TBC1D1: variants seen among roughly 807,000 people sequenced by gnomAD.
The protein encoded by TBC1D1 is TBC1 (tre-2/USP6, BUB2, cdc16) domain family, member 1.
A neutral mutation model predicts 125.6 loss-of-function variants in TBC1D1; 89 were observed. That is an observed-to-expected ratio of 0.71 (90% confidence interval 0.60 to 0.85). The LOEUF is 0.85. Ranked by LOEUF, TBC1D1 falls within the 40% of genes least tolerant of loss-of-function variation. The pLI, the probability that TBC1D1 is intolerant of heterozygous loss-of-function variation, is 0.00. For synonymous variants in TBC1D1, 565 were observed against 564.1 expected (o/e 1.00, Z -0.02); for missense variants, 1,377 against 1,469.2 (o/e 0.94, Z 1.03).
chr4:37,903,408 C>G (rs960178133), intron 2 of TBC1D1, among the ~76,000 whole-genome samples: 1 of 152,132 alleles, frequency 6.6e-6, no homozygotes, highest in Non-Finnish European at 1.5e-5. Flanking sequence ...CACAGCTAAC[C>G]CCATGGACTG....
intron 17 of TBC1D1, among the ~76,000 whole-genome samples, chr4:38,122,466 C>T (rs1008500064): frequency 6.6e-6 from 1 of 152,202 alleles, no homozygotes; most frequent in African/African-American, 2.4e-5. Context: ...GCACACCTCC[C>T]TGTATTGACA....
intron 12 of TBC1D1, among the ~76,000 whole-genome samples, chr4:38,079,159 A>G (rs1578585810): frequency 6.6e-6 from 1 of 152,094 alleles, no homozygotes; most frequent in Non-Finnish European, 1.5e-5. Context: ...AGATGCCTAA[A>G]TGATGTGGGT....
chr4:37,993,352 T>C (rs1478531218), intron 2 of TBC1D1, among the ~76,000 whole-genome samples: 1 of 152,182 alleles, frequency 6.6e-6, no homozygotes, highest in Non-Finnish European at 1.5e-5. Context: ...TTCATTACCC[T>C]GCGCCTCCCC....
rs545628912 is a variant in TBC1D1, at chr4:38,090,269, A to G, written c.2236+152A>G. 200 of 708,838 alleles carry G rather than the reference A, an allele frequency of 2.8e-4. 1 individual carries two copies. In the Middle Eastern group the frequency reaches 3.5e-3, roughly 12 times the overall value. 43.9% of individuals were successfully genotyped at this position (708,838 alleles called of 1,614,324 possible). ...TATCTGTTTACTTTTTCAGAGTAAT[A>G]TTAACACTGTTTACTTTCTGGTGAT... On this transcript the variant is annotated intron_variant, in intron 13 of 19. Transcript: ENST00000261439.
At chr4:38,026,098 T>C (rs1406164285) in intron 6 of TBC1D1, among the ~76,000 whole-genome samples, 2 of 151,632 alleles carry the variant, frequency 1.3e-5, no homozygotes, top group Non-Finnish European at 2.9e-5. Flanking sequence ...AAAAGGCCCA[T>C]TTCTAATATT....
chr4:38,022,794 A>G (rs1744316701), intron 6 of TBC1D1, among the ~76,000 whole-genome samples: 3 of 152,142 alleles, frequency 2.0e-5, no homozygotes, highest in African/African-American at 7.2e-5. Flanking sequence ...AGGAGTTTTC[A>G]CCACTCTGTT....
At chr4:37,992,056 T>C (rs527787474) in intron 2 of TBC1D1, among the ~76,000 whole-genome samples, 38 of 152,204 alleles carry the variant, frequency 2.5e-4, no homozygotes, top group African/African-American at 8.4e-4. Context: ...TGGAGCCCCA[T>C]TGGTGGGAGA....
intron 1 of TBC1D1, among the ~76,000 whole-genome samples, chr4:37,898,247 A>T (rs1715060504): frequency 9.2e-5 from 14 of 152,234 alleles, no homozygotes; most frequent in Admixed American, 9.2e-4. Flanking sequence ...ACTCTTAAAT[A>T]TGGTGATTGG....
chr4:37,961,037 A>G (rs776174414), intron 2 of TBC1D1: 8 of 1,612,544 alleles, frequency 5.0e-6, no homozygotes, highest in Non-Finnish European at 6.8e-6. Context: ...TATGACATAG[A>G]TATTTAAATT....
chr4:38,073,268 AC>A (rs1755016096), intron 12 of TBC1D1, among the ~76,000 whole-genome samples: 1 of 152,108 alleles, frequency 6.6e-6, no homozygotes, highest in African/African-American at 2.4e-5. Context: ...CTACACCCTC[AC>A]CCACACTTGT....
chr4:38,111,431 G>T (rs1278482657), intron 15 of TBC1D1, among the ~76,000 whole-genome samples: 1 of 151,810 alleles, frequency 6.6e-6, no homozygotes, highest in Non-Finnish European at 1.5e-5. Flanking sequence ...ACTGAGATTA[G>T]TATTTATTTG....
At chr4:38,103,243 C>A in intron 15 of TBC1D1, 86 bp downstream of exon 17, 1 of 1,413,364 alleles carries the variant, frequency 7.1e-7, no homozygotes, top group Non-Finnish European at 9.6e-7. Context: ...TATGTATTGA[C>A]CTGCCTTTAG....
chr4:38,103,160 A>T lies in TBC1D1; in HGVS notation c.2557+3A>T. 6.2e-7 allele frequency: 1 copy of T among 1,606,646 alleles called. No individual in the cohort carries two copies. The highest frequency in any genetic ancestry group is 1.3e-5 in the African/African-American group (1 of 74,712). On this transcript the variant is annotated splice_donor_region_variant and intron_variant, in intron 15 of 19. Transcript: ENST00000261439. Reference sequence around the variant, plus strand: ...GCATGCGATTCTTATTGACCTTGGTAAGTCTGTGCCATCGATTGGAGATGA... The same window carrying T: ...GCATGCGATTCTTATTGACCTTGGTTAGTCTGTGCCATCGATTGGAGATGA...
chr4:37,936,794 T>C (rs1724496187), intron 2 of TBC1D1, among the ~76,000 whole-genome samples: 1 of 152,224 alleles, frequency 6.6e-6, no homozygotes, highest in East Asian at 1.9e-4. Flanking sequence ...ATCTGTTTTG[T>C]TCACTGCAGA....
chr4:37,896,162 C>A (rs1478013564), intron 1 of TBC1D1, among the ~76,000 whole-genome samples: 3 of 152,190 alleles, frequency 2.0e-5, no homozygotes, highest in African/African-American at 7.2e-5. Context: ...GGTTCCTAAT[C>A]TGACCTAGAG....
At chr4:38,047,830 G>A (rs747255451) in intron 10 of TBC1D1, among the ~76,000 whole-genome samples, 38 of 152,292 alleles carry the variant, frequency 2.5e-4, no homozygotes, top group Admixed American at 5.9e-4. Flanking sequence ...GCCTATGGAA[G>A]TGAACAGAGA....
At chr4:37,915,252 C>T (rs1006247705) in intron 2 of TBC1D1, among the ~76,000 whole-genome samples, 1 of 152,194 alleles carries the variant, frequency 6.6e-6, no homozygotes, top group East Asian at 1.9e-4. Context: ...TATTAGTCAG[C>T]ATTCTCCAGG....
At chr4:38,012,934 C>T (rs931322357) in intron 2 of TBC1D1, among the ~76,000 whole-genome samples, 22 of 152,296 alleles carry the variant, frequency 1.4e-4, no homozygotes, top group Non-Finnish European at 1.6e-4. Flanking sequence ...GCTGGGATTA[C>T]AGGCACCTGC....
intron 2 of TBC1D1, among the ~76,000 whole-genome samples, chr4:37,913,939 A>G (rs1337019705): frequency 6.6e-6 from 1 of 151,838 alleles, no homozygotes; most frequent in African/African-American, 2.4e-5. Flanking sequence ...AGCTTTTGTC[A>G]TAGTTTGGCA....
Sources: gnomAD v4.1 joint callset for allele counts (sites outside exome capture counted in the v4.1 genomes callset) on GRCh38, gnomAD v4.1.1 for gene constraint, MANE v1.5 for transcripts, NCBI Gene and HGNC (gene_info 2026-07-23, HGNC 2026-07-21) for gene names.